The following ECM1 variants were observed in gnomAD, a reference collection of about 807,000 sequenced individuals.
The protein encoded by ECM1 is extracellular matrix protein 1, also known as secretory component p85.
A neutral mutation model predicts 57.9 loss-of-function variants in ECM1; 54 were observed. The ratio of observed to expected loss-of-function variants is 0.93; its 90% CI spans 0.75 to 1.17. ECM1 has a LOEUF of 1.17. Ranked by LOEUF, ECM1 falls within the 50% of genes most tolerant of loss-of-function variation. The pLI, the probability that ECM1 is intolerant of heterozygous loss-of-function variation, is 0.00. For missense variants in ECM1, 649 were observed against 688.1 expected (o/e 0.94, Z 0.64); for synonymous variants, 237 against 259.1 (o/e 0.91, Z 0.82).
At position 150,509,576 on chromosome 1, in the gene ECM1, A is replaced by C; in HGVS notation, c.116A>C (p.Gln39Pro). Residue 39 changes from glutamine (Q) to proline (P), a missense_variant, in exon 2 of 10, where the codon CAA (glutamine) becomes CCA (proline). Gln to Pro is a moderately conservative substitution (Grantham distance 76). Transcript: ENST00000369047. Reference protein sequence around the residue: ...GQRQLRPEHFQEVGYAAPPSP... With the variant: ...GQRQLRPEHFPEVGYAAPPSP... ...AGGCAGCTGAGGCCAGAGCACTTTC[A>C]AGAAGGTAAGAGTTTGGGGGAGCAG... is the stretch of plus-strand genomic sequence containing the variant. 1 of 1,614,008 alleles carries C rather than the reference A, an allele frequency of 6.2e-7. No individual in the cohort carries two copies. Among genetic ancestry groups the C allele is most frequent in the Non-Finnish European group, 8.5e-7 (1 of 1,180,002 alleles).
rs1041599025 is a variant in ECM1, at chr1:150,508,116, A to G, written c.-94A>G. ...GCTGGTCCTGAAGCTCACAACCGTA[A>G]CAGCCACCAGACAAGCTTCAGTGGC... On this transcript the variant is annotated 5_prime_UTR_variant, in exon 1 of 10. Transcript: ENST00000369047. 2.5e-6 allele frequency: 3 copies of G among 1,179,228 alleles called. No homozygotes were observed. In the African/African-American group the frequency reaches 4.5e-5, roughly 18 times the overall value. 73.0% of individuals were successfully genotyped at this position (1,179,228 alleles called of 1,614,324 possible).
At position 150,511,157 on chromosome 1, in the gene ECM1, T is replaced by G. The variant is rs762503573; in HGVS notation, c.667T>G (p.Cys223Gly). The change falls in exon 6 of 10, where the codon TGC becomes GGC. Residue 223 changes from cysteine (C) to glycine (G), a missense_variant. Coordinates refer to ENST00000369047, the MANE Select transcript of ECM1 (RefSeq NM_004425.4). The stretch of plus-strand genomic sequence containing the variant: ...GATTGGATATTCCCGCTGCTGCCAC[T>G]GCCGCAGCCACACAAACCGCCTAGA... ...LEIGYSRCCH[C>G]RSHTNRLECA... The G allele has an allele frequency of 1.2e-6, 2 of 1,614,220 alleles. No individual in the cohort carries two copies. Among genetic ancestry groups the G allele is most frequent in the Non-Finnish European group, 1.7e-6 (2 of 1,180,034 alleles).
chr1:150,511,880 A>C, intron 7 of ECM1, 49 bp downstream of exon 7: 1 of 1,561,754 alleles, frequency 6.4e-7, no homozygotes, highest in Non-Finnish European at 8.7e-7. Context: ...CTGCCTGCCC[A>C]TCTTCGACCT....
rs1466717225 is a variant in ECM1, at chr1:150,512,524, C to T, written c.1256C>T (p.Pro419Leu). Residue 419 changes from proline (P) to leucine (L), a missense_variant, in exon 8 of 10, where the codon CCC becomes CTC. Transcript: ENST00000369047. ...ILTIDIGRVTPNLMGHLCGNQ... is the reference protein window; with the variant it reads ...ILTIDIGRVTLNLMGHLCGNQ... ...ACCATTGACATCGGTCGAGTCACCC[C>T]CAACCTCATGGGCCACCTCTGTGGA... 5 of 1,613,904 alleles carry T rather than the reference C, an allele frequency of 3.1e-6. No individual in the cohort carries two copies. The South Asian group carries it at 4.4e-5, about 14-fold the overall frequency.
chr1:150,509,714 C>T lies in ECM1; in HGVS notation c.175C>T (p.His59Tyr). The change falls in exon 3 of 10, where the codon CAC (histidine) becomes TAC (tyrosine). Residue 59 changes from histidine (H) to tyrosine (Y), a missense_variant. Physicochemically the swap from His to Tyr is moderately conservative, Grantham distance 83. Coordinates refer to ENST00000369047, the MANE Select transcript of ECM1 (RefSeq NM_004425.4). Reference sequence around the variant, plus strand: ...CCTATCCCGAAGCCTCCCCATGGATCACCCTGACTCCTCTCAGCATGGCCC... The same window carrying T: ...CCTATCCCGAAGCCTCCCCATGGATTACCCTGACTCCTCTCAGCATGGCCC... ...PPLSRSLPMD[H>Y]PDSSQHGPPF... The T allele has an allele frequency of 7.0e-7, 1 of 1,430,050 alleles. No individual in the cohort carries two copies. The highest frequency in any genetic ancestry group is 9.5e-7 in the Non-Finnish European group (1 of 1,050,234). 88.6% of individuals were successfully genotyped at this position (1,430,050 alleles called of 1,614,324 possible).
At position 150,511,504 on chromosome 1, in the gene ECM1, G is replaced by A; in HGVS notation, c.756G>A (p.Lys252=). ...TCTGTGAGGCCGAGTTCTCGGTCAA[G>A]ACCCGACCCCACTGGTGCTGCACGC... ...SRFCEAEFSV[K]TRPHWCCTRQ... The change falls in exon 7 of 10, where the codon AAG becomes AAA. Residue 252 remains lysine, a synonymous_variant. Transcript: ENST00000369047. 6 of 1,614,188 alleles carry A rather than the reference G, an allele frequency of 3.7e-6. No homozygotes were observed. Among genetic ancestry groups the A allele is most frequent in the Non-Finnish European group, 5.1e-6 (6 of 1,180,016 alleles).
At position 150,508,286 on chromosome 1, in the gene ECM1, TGGG is replaced by T. The variant is rs1163470123; in HGVS notation, c.70+10_70+12del. On this transcript the variant is annotated splice_region_variant and intron_variant, in intron 1 of 9. Coordinates refer to ENST00000369047, the MANE Select transcript of ECM1 (RefSeq NM_004425.4). ...TCTGCTGCCTCTGAGGGAGGTGAGT[TGGG>T]GGATCAGCACTTAGGAGGGGGTCTG... 13 of 1,613,302 alleles carry T rather than the reference TGGG, an allele frequency of 8.1e-6. No homozygotes were observed. The African/African-American group carries it at 1.5e-4, about 18-fold the overall frequency.
Position 150,512,604 on chromosome 1 carries a change from C to T in ECM1, c.1304+32C>T, listed in dbSNP as rs954011632. 9 of 1,613,520 alleles carry T rather than the reference C, an allele frequency of 5.6e-6. No individual in the cohort carries two copies. In the African/African-American group the frequency reaches 1.1e-4, roughly 19 times the overall value. The stretch of plus-strand genomic sequence containing the variant: ...TGCCTAGTCCTTCCCCACTCTCTTC[C>T]TTTCCCGAAAACTTCCTTTTGGGAC... On this transcript the variant is annotated intron_variant, in intron 8 of 9. Coordinates refer to ENST00000369047, the MANE Select transcript of ECM1 (RefSeq NM_004425.4).
rs779819625 is a variant in ECM1, at chr1:150,512,334, CCT to C, written c.1084-11_1084-10del. 2.5e-6 allele frequency: 4 copies of C among 1,612,232 alleles called. No homozygotes were observed. The East Asian group carries it at 8.9e-5, about 36-fold the overall frequency. On this transcript the variant is annotated splice_polypyrimidine_tract_variant and intron_variant, in intron 7 of 9. Coordinates refer to ENST00000369047, the MANE Select transcript of ECM1 (RefSeq NM_004425.4). ...GGCCAAGTGTCCAGCTTCTGACTTC[CCT>C]CTCTCTGGTCCACAGTGGGAGGATA... is the stretch of plus-strand genomic sequence containing the variant.
rs971746120 is a variant in ECM1 at position 150,511,771 on chromosome 1, G to C, written c.1023G>C (p.Leu341=). 6.2e-7 allele frequency: 1 copy of C among 1,613,592 alleles called. No homozygotes were observed. Among genetic ancestry groups the C allele is most frequent in the African/African-American group, 1.3e-5 (1 of 74,886 alleles). Residue 341 remains leucine (L), a synonymous_variant, in exon 7 of 10, where the codon CTG becomes CTC. Transcript: ENST00000369047. ...GGGAGCTGCTGGCACTGATCCAGCT[G>C]GAGAGGGAGTTCCAGCGCTGCTGCC... ...LQRELLALIQ[L]EREFQRCCRQ... is the part of the protein sequence containing the mutation.
rs780576476 is a variant in ECM1 at position 150,509,659 on chromosome 1, A to G, written c.122-2A>G. On this transcript the variant is annotated splice_acceptor_variant, in intron 2 of 9. Coordinates refer to ENST00000369047, the MANE Select transcript of ECM1 (RefSeq NM_004425.4). LOFTEE classifies it high-confidence loss of function. ...CTCTGATGTCTCCCCTCTTGCTTCT[A>G]GTTGGCTACGCAGCTCCCCCCTCCC... The G allele has an allele frequency of 2.0e-5, 32 of 1,613,626 alleles. No individual in the cohort carries two copies. The highest frequency in any genetic ancestry group is 2.6e-5 in the Non-Finnish European group (31 of 1,179,824).
rs774345858 is a variant in ECM1 at position 150,511,165 on chromosome 1, C to G, written c.675C>G (p.Ser225Arg). The part of the protein sequence containing the change: ...IGYSRCCHCR[S>R]HTNRLECAKL... ...ATTCCCGCTGCTGCCACTGCCGCAG[C>G]CACACAAACCGCCTAGAGTGTGCCA... Residue 225 changes from serine (S) to arginine (R), a missense_variant, in exon 6 of 10, where the codon AGC (serine) becomes AGG (arginine). Coordinates refer to ENST00000369047, the MANE Select transcript of ECM1 (RefSeq NM_004425.4). 6.2e-7 allele frequency: 1 copy of G among 1,614,236 alleles called. No individual in the cohort carries two copies. The highest frequency in any genetic ancestry group is 8.5e-7 in the Non-Finnish European group (1 of 1,180,034).
chr1:150,512,511 G>T lies in ECM1; in HGVS notation c.1243G>T (p.Gly415Cys), dbSNP rs13294. ...CCGGGACATCTTGACCATTGACATC[G>T]GTCGAGTCACCCCCAACCTCATGGG... ...YDRDILTIDI[G>C]RVTPNLMGHL... Residue 415 changes from glycine (G) to cysteine (C), a missense_variant, in exon 8 of 10, where the codon GGT (glycine) becomes TGT (cysteine). Gly to Cys is a radical substitution (Grantham distance 159). Coordinates refer to ENST00000369047, the MANE Select transcript of ECM1 (RefSeq NM_004425.4). 1 of 1,613,164 alleles carries T rather than the reference G, an allele frequency of 6.2e-7. No homozygotes were observed. The highest frequency in any genetic ancestry group is 1.1e-5 in the South Asian group (1 of 91,038).
intron 1 of ECM1, among the ~76,000 whole-genome samples, chr1:150,508,631 CA>C (rs1170530161): frequency 6.6e-6 from 1 of 151,930 alleles, no homozygotes; most frequent in Non-Finnish European, 1.5e-5. Context: ...CCAGGCTGCT[CA>C]AAACCGGATT....
At position 150,511,651 on chromosome 1, in the gene ECM1, T is replaced by C; in HGVS notation, c.903T>C (p.Pro301=). Residue 301 remains proline (P), a synonymous_variant, in exon 7 of 10, where the codon CCT becomes CCC. Transcript: ENST00000369047. ...CGGGTCTTGAGCTGCCTTTCCCTCC[T>C]GGGGTGCCCACATTGGACAATATCA... ...ISSGLELPFP[P]GVPTLDNIKN... 1.9e-6 allele frequency: 3 copies of C among 1,614,130 alleles called. No individual in the cohort carries two copies. The South Asian group carries it at 3.3e-5, about 18-fold the overall frequency.
Position 150,508,323 on chromosome 1 carries a change from T to A in ECM1, c.70+44T>A, listed in dbSNP as rs111652079. The A allele has an allele frequency of 2.5e-6, 4 of 1,575,358 alleles. No individual in the cohort carries two copies. The South Asian group carries it at 4.4e-5, about 17-fold the overall frequency. On this transcript the variant is annotated intron_variant, in intron 1 of 9. Coordinates refer to ENST00000369047, the MANE Select transcript of ECM1 (RefSeq NM_004425.4). ...ACTTAGGAGGGGGTCTGGGCTTGCA[T>A]GGCAGGGGTCTGGGTCCAGGCATCC...
In ECM1 at chr1:150,508,272, T is replaced by C; in HGVS notation, c.63T>C (p.Ser21=). ...LTYLAVASAA[S]EGGFTATGQR... ...ATTTGGCTGTTGCTTCTGCTGCCTC[T>C]GAGGGAGGTGAGTTGGGGGATCAGC... Residue 21 remains serine, a synonymous_variant, in exon 1 of 10, where the codon TCT becomes TCC. Coordinates refer to ENST00000369047, the MANE Select transcript of ECM1 (RefSeq NM_004425.4). 3 of 1,613,832 alleles carry C rather than the reference T, an allele frequency of 1.9e-6. No individual in the cohort carries two copies. Among genetic ancestry groups the C allele is most frequent in the Non-Finnish European group, 2.5e-6 (3 of 1,179,998 alleles).
rs764394055 is a variant in ECM1, at chr1:150,510,014, C to T, written c.304+12C>T. ...TGCTGAAAAGGAAGGTGAGCGCTTG[C>T]CCACCCTCCCTCACCTCTATCCCAC... is the stretch of plus-strand genomic sequence containing the variant. On this transcript the variant is annotated intron_variant, in intron 4 of 9. Transcript: ENST00000369047. The T allele has an allele frequency of 6.8e-6, 11 of 1,614,016 alleles. No individual in the cohort carries two copies. The highest frequency in any genetic ancestry group is 9.3e-6 in the Non-Finnish European group (11 of 1,180,022).
rs1470679450 is a variant in ECM1 at position 150,512,470 on chromosome 1, C to G, written c.1202C>G (p.Pro401Arg). 1.2e-6 allele frequency: 2 copies of G among 1,613,708 alleles called. No individual in the cohort carries two copies. Among genetic ancestry groups the G allele is most frequent in the South Asian group, 1.1e-5 (1 of 91,060 alleles). Residue 401 changes from proline to arginine, a missense_variant, in exon 8 of 10, where the codon CCT (proline) becomes CGT (arginine). Transcript: ENST00000369047. ...GATGAGTGCTTTGCCCGTCGGGCTC[C>G]TTACCCCAACTATGACCGGGACATC... The part of the protein sequence containing the change: ...TRDECFARRA[P>R]YPNYDRDILT...
Sources: gnomAD v4.1 joint callset for allele counts (sites outside exome capture counted in the v4.1 genomes callset) on GRCh38, gnomAD v4.1.1 for gene constraint, MANE v1.5 for transcripts, NCBI Gene and HGNC (gene_info 2026-07-23, HGNC 2026-07-21) for gene names.